TRIOBP: variants seen among roughly 807,000 people sequenced by gnomAD.
TRIOBP encodes TRIO and F-actin-binding protein.
A neutral mutation model predicts 238.8 loss-of-function variants in TRIOBP; 169 were observed. The ratio of observed to expected loss-of-function variants is 0.71; its 90% CI spans 0.62 to 0.80. The LOEUF is 0.80. TRIOBP is among the 30% of genes least tolerant of loss of function. The probability of loss-of-function intolerance (pLI) is 0.00; values close to 1 mark genes in which losing one functional copy is unlikely to be tolerated. For missense variants in TRIOBP, 2,838 were observed against 3,122.6 expected, an observed-to-expected ratio of 0.91 and a Z score of 2.17; for synonymous variants, 1,150 against 1,274.4, an observed-to-expected ratio of 0.90 and a Z score of 2.08.
At chr22:37,767,415 C>G (rs1213263892) in intron 18 of TRIOBP, among the ~76,000 whole-genome samples, 1 of 152,134 alleles carries the variant, frequency 6.6e-6, no homozygotes, top group Admixed American at 6.5e-5. Context: ...AAAAAAGCCT[C>G]GGTCTCAGTC....
chr22:37,742,265 T>TTTG (rs1297760871), intron 11 of TRIOBP, among the ~76,000 whole-genome samples: 4 of 143,750 alleles, frequency 2.8e-5, no homozygotes, highest in Non-Finnish European at 6.1e-5. Context: ...GCGTTTTTTT[T>TTTG]TTTTTTTTTT....
chr22:37,712,780 C>A (rs1923317673), intron 4 of TRIOBP, among the ~76,000 whole-genome samples: 1 of 151,490 alleles, frequency 6.6e-6, no homozygotes, highest in African/African-American at 2.4e-5. Context: ...CACGGTGAAA[C>A]CCCATCTCTA....
At chr22:37,703,433 C>A (rs932637731) in intron 3 of TRIOBP, among the ~76,000 whole-genome samples, 2 of 151,880 alleles carry the variant, frequency 1.3e-5, no homozygotes, top group African/African-American at 2.4e-5. Flanking sequence ...CTGGGACTCA[C>A]GAACCTCCGA....
intron 3 of TRIOBP, among the ~76,000 whole-genome samples, chr22:37,707,409 A>G (rs1276598603): frequency 1.3e-5 from 2 of 152,034 alleles, no homozygotes; most frequent in Non-Finnish European, 2.9e-5. Context: ...CAGGCATTGA[A>G]GGAATGGGTG....
rs905421744 is a variant in TRIOBP, at chr22:37,699,585, A to C, written c.-60-1721A>C. The stretch of plus-strand genomic sequence containing the variant: ...AGACAGAGTCTCACTCTTATCACCC[A>C]GGCTGGAGTACAGTGGTGCAATCTT... On this transcript the variant is annotated intron_variant, in intron 2 of 23. Transcript: ENST00000644935. Among the ~76,000 whole-genome samples, 7 of 152,132 alleles carry C rather than the reference A, an allele frequency of 4.6e-5. 1 individual carries two copies. Among genetic ancestry groups the C allele is most frequent in the Admixed American group, 1.3e-4 (2 of 15,254 alleles).
At chr22:37,701,537 T>C (rs1047677968) in intron 3 of TRIOBP, 58 bp downstream of exon 3, 2 of 1,266,516 alleles carry the variant, frequency 1.6e-6, no homozygotes. Flanking sequence ...GGTGAAGGAC[T>C]GGGCCTGTGG....
chr22:37,725,870 C>G lies in TRIOBP; in HGVS notation c.3314C>G (p.Pro1105Arg). The G allele has an allele frequency of 6.2e-7, 1 of 1,613,374 alleles. No homozygotes were observed. Among genetic ancestry groups the G allele is most frequent in the Non-Finnish European group, 8.5e-7 (1 of 1,179,764 alleles). Residue 1105 changes from proline (P) to arginine (R), a missense_variant, in exon 7 of 24, where the codon CCC becomes CGC. Transcript: ENST00000644935. ...EHQCQSPQHE[P>R]LQLPAPVCIG... is the part of the protein sequence containing the mutation. ...CAGTGTCAGTCCCCCCAACACGAGC[C>G]CCTTCAGCTCCCTGCACCTGTGTGT...
intron 21 of TRIOBP, among the ~76,000 whole-genome samples, chr22:37,769,670 G>T (rs1926670430): frequency 6.6e-6 from 1 of 152,206 alleles, no homozygotes; most frequent in South Asian, 2.1e-4. Flanking sequence ...AAATATTGGG[G>T]TAAGAAAATA....
At chr22:37,760,742 G>A (rs1165332380) in intron 17 of TRIOBP, among the ~76,000 whole-genome samples, 1 of 152,094 alleles carries the variant, frequency 6.6e-6, no homozygotes, top group Non-Finnish European at 1.5e-5. Context: ...TGGGGAGGCC[G>A]AAGTGGGCAG....
rs1302102003 is a variant in TRIOBP at position 37,735,235 on chromosome 22, G to A, written c.4899G>A (p.Trp1633Ter). Residue 1633 changes from tryptophan to a stop codon, truncating the protein, a stop_gained, in exon 9 of 24, where the codon TGG (tryptophan) becomes TGA (stop). Transcript: ENST00000644935. LOFTEE classifies it high-confidence loss of function. ...AGTCACACAGCCAGCCAGAAGGCTGGGCCGAGGCCACCCCAGTCAATGGAC... is the reference window on the plus strand; with the variant it reads ...AGTCACACAGCCAGCCAGAAGGCTGAGCCGAGGCCACCCCAGTCAATGGAC... ...EQESHSQPEG[W>*]AEATPVNGHS... 2 of 1,604,828 alleles carry A rather than the reference G, an allele frequency of 1.2e-6. No individual in the cohort carries two copies. Among genetic ancestry groups the A allele is most frequent in the Non-Finnish European group, 1.7e-6 (2 of 1,173,108 alleles).
At chr22:37,753,200 G>C (rs1925713794) in intron 12 of TRIOBP, among the ~76,000 whole-genome samples, 1 of 152,172 alleles carries the variant, frequency 6.6e-6, no homozygotes, top group Admixed American at 6.5e-5. Flanking sequence ...GGCCATGACA[G>C]CCATCCACAC....
At position 37,754,964 on chromosome 22, in the gene TRIOBP, A is replaced by G; in HGVS notation, c.5467A>G (p.Arg1823Gly). ...VLTDSSLKYYRDSTAEEADEL... is the reference protein window; with the variant it reads ...VLTDSSLKYYGDSTAEEADEL... ...GACAGATTCAAGTCTCAAATATTAC[A>G]GAGACTCCACTGCTGAGGAGGTGAG... is the stretch of plus-strand genomic sequence containing the variant. The change falls in exon 13 of 24, where the codon AGA becomes GGA. Residue 1823 changes from arginine (R) to glycine (G), a missense_variant. Around this residue, in one of 5 missense-constraint regions of TRIOBP, gnomAD observed 2,096 missense variants for 2,137.4 expected, o/e 0.98. Transcript: ENST00000644935. The G allele has an allele frequency of 6.2e-7, 1 of 1,614,042 alleles. No individual in the cohort carries two copies. The highest frequency in any genetic ancestry group is 1.1e-5 in the South Asian group (1 of 91,078).
At position 37,713,248 on chromosome 22, in the gene TRIOBP, C is replaced by G; in HGVS notation, c.293C>G (p.Pro98Arg). Residue 98 changes from proline (P) to arginine (R), a missense_variant, in exon 5 of 24, where the codon CCC becomes CGC. By Grantham distance (103) the Pro-to-Arg change is moderately radical. Coordinates refer to ENST00000644935, the MANE Select transcript of TRIOBP (RefSeq NM_001039141.3). Reference protein sequence around the residue: ...SPSAGLPEEGPTAAPRSRSRE... With the variant: ...SPSAGLPEEGRTAAPRSRSRE... ...TCAGCAGGGCTCCCAGAAGAGGGTC[C>G]CACAGCTGCCCCCAGGAGCAGGAGC... 2 of 1,613,868 alleles carry G rather than the reference C, an allele frequency of 1.2e-6. No homozygotes were observed.
At chr22:37,753,378 G>A (rs1925731525) in intron 12 of TRIOBP, among the ~76,000 whole-genome samples, 2 of 152,064 alleles carry the variant, frequency 1.3e-5, no homozygotes, top group Non-Finnish European at 2.9e-5. Flanking sequence ...GGGTTCAAGC[G>A]ATTCTCCTGC....
intron 4 of TRIOBP, 26 bp downstream of exon 4, chr22:37,710,592 A>G (rs778847798): frequency 2.5e-6 from 4 of 1,601,928 alleles, no homozygotes; most frequent in Non-Finnish European, 3.4e-6. Flanking sequence ...GGGCCCAGGA[A>G]GGGCTTCATG....
chr22:37,727,968 C>G (rs1924255712), intron 7 of TRIOBP, among the ~76,000 whole-genome samples: 3 of 152,162 alleles, frequency 2.0e-5, no homozygotes, highest in Non-Finnish European at 2.9e-5. Flanking sequence ...TCAAAACTTT[C>G]CATGTATATA....
rs1362937659 is a variant in TRIOBP at position 37,735,420 on chromosome 22, G to A, written c.5084G>A (p.Gly1695Asp). The A allele has an allele frequency of 6.4e-7, 1 of 1,574,182 alleles. No homozygotes were observed. The highest frequency in any genetic ancestry group is 2.4e-5 in the East Asian group (1 of 42,408). Residue 1695 changes from glycine to aspartate, a missense_variant, in exon 9 of 24, where the codon GGC becomes GAC. Physicochemically the swap from Gly to Asp is moderately conservative, Grantham distance 94. Around this residue, in one of 5 missense-constraint regions of TRIOBP, gnomAD observed 2,096 missense variants for 2,137.4 expected, o/e 0.98. Coordinates refer to ENST00000644935, the MANE Select transcript of TRIOBP (RefSeq NM_001039141.3). ...CTGGGGAGCAGGAGCACTGCGAAGG[G>A]CCCCAGCTTGCCAGAGCTGCAGGTA... ...GPLGSRSTAKGPSLPELQFQP... is the reference protein window; with the variant it reads ...GPLGSRSTAKDPSLPELQFQP...
chr22:37,755,365 A>G (rs1925861373), intron 14 of TRIOBP, 175 bp downstream of exon 14: 4 of 903,708 alleles, frequency 4.4e-6, no homozygotes, highest in Non-Finnish European at 7.0e-6. Context: ...TATCTGGGGG[A>G]GACGCTGGAG....
Position 37,755,131 on chromosome 22 carries a change from C to T in TRIOBP, c.5518C>T (p.Arg1840Cys), listed in dbSNP as rs761707874. Residue 1840 changes from arginine (R) to cysteine (C), a missense_variant, in exon 14 of 24, where the codon CGT (arginine) becomes TGT (cysteine). Transcript: ENST00000644935. ...TGAGCTGGATGGTGAGATCGACCTG[C>T]GTTCCTGCACGGATGTCACTGAGTA... ...ADELDGEIDL[R>C]SCTDVTEYAV... 17 of 1,613,812 alleles carry T rather than the reference C, an allele frequency of 1.1e-5. No individual in the cohort carries two copies. Among genetic ancestry groups the T allele is most frequent in the Middle Eastern group, 1.6e-4 (1 of 6,062 alleles).
Sources: gnomAD v4.1 joint callset for allele counts (sites outside exome capture counted in the v4.1 genomes callset) on GRCh38, gnomAD v4.1.1 for gene constraint, gnomAD v4.1.1 regional missense constraint, MANE v1.5 for transcripts, NCBI Gene and HGNC (gene_info 2026-07-23, HGNC 2026-07-21) for gene names.